SNRNP200: variants seen among roughly 807,000 people sequenced by gnomAD.
SNRNP200 encodes U5 small nuclear ribonucleoprotein 200 kDa helicase.
A neutral mutation model predicts 255.2 loss-of-function variants in SNRNP200; 66 were observed. The observed-to-expected ratio is 0.26, with a 90% confidence interval of 0.21 to 0.32. The LOEUF is 0.32. Among genes scored for constraint, SNRNP200 ranks in the 10% least tolerant of loss-of-function variants. The probability of loss-of-function intolerance (pLI) is 1.00; values close to 1 mark genes in which losing one functional copy is unlikely to be tolerated. For synonymous variants in SNRNP200, 939 were observed against 1,027.8 expected (o/e 0.91, Z 1.65); for missense variants, 1,585 against 2,749.8 (o/e 0.58, Z 9.47).
At chr2:96,280,224 C>T (rs1386257596) in intron 35 of SNRNP200, among the ~76,000 whole-genome samples, 3 of 152,228 alleles carry the variant, frequency 2.0e-5, no homozygotes, top group African/African-American at 7.2e-5. Context: ...GGGCCAGGCA[C>T]TATAACTCAC....
At chr2:96,296,095 T>A (rs2063915264) in intron 13 of SNRNP200, among the ~76,000 whole-genome samples, 1 of 152,054 alleles carries the variant, frequency 6.6e-6, no homozygotes, top group Non-Finnish European at 1.5e-5. Context: ...ATTGTGCCAT[T>A]GCACTCCAGC....
rs2063823924 is a variant in SNRNP200, at chr2:96,283,728, G to T, written c.4585-15C>A. On this transcript the variant is annotated splice_polypyrimidine_tract_variant and intron_variant, in intron 32 of 44. Coordinates refer to ENST00000323853, the MANE Select transcript of SNRNP200 (RefSeq NM_014014.5). This position sits in a 1 kb window ranked among gnomAD's most constrained non-coding sequence, Gnocchi z 4.7. ...ATGTTGAAGCCCTGGCGACCGGGGA[G>T]AAGAAAAGACACCAAGGTTATCAGA... The T allele has an allele frequency of 1.1e-5, 17 of 1,613,962 alleles. No homozygotes were observed. Among genetic ancestry groups the T allele is most frequent in the Admixed American group, 1.7e-5 (1 of 60,008 alleles).
intron 35 of SNRNP200, chr2:96,281,558 G>A (rs760558963): frequency 4.7e-5 from 22 of 468,614 alleles, no homozygotes; most frequent in African/African-American, 2.6e-4. Context: ...GATTAATGAC[G>A]TAACGTCAAA....
In SNRNP200 at chr2:96,298,304, C is replaced by T. The variant is rs1354769402; in HGVS notation, c.1099G>A (p.Glu367Lys). 6.2e-7 allele frequency: 1 copy of T among 1,614,214 alleles called. No individual in the cohort carries two copies. The highest frequency in any genetic ancestry group is 8.5e-7 in the Non-Finnish European group (1 of 1,180,034). Residue 367 changes from glutamate to lysine, a missense_variant, in exon 9 of 45, where the codon GAG becomes AAG. Glu to Lys is a moderately conservative substitution (Grantham distance 56). This residue lies in a region of SNRNP200 where 383 missense variants were observed against 645.3 expected (regional missense o/e 0.59). Coordinates refer to ENST00000323853, the MANE Select transcript of SNRNP200 (RefSeq NM_014014.5). ...SKFLYQLHET[E>K]KEDLIREERS... ...CTTACTCGGATCAGATCCTCCTTCTCGGTTTCATGAAGCTGGTAGAGGAAC... is the reference window on the plus strand; with the variant it reads ...CTTACTCGGATCAGATCCTCCTTCTTGGTTTCATGAAGCTGGTAGAGGAAC...
In SNRNP200 at chr2:96,290,798, T is replaced by C; in HGVS notation, c.2439A>G (p.Ala813=). Residue 813 remains alanine, a synonymous_variant, in exon 19 of 45, where the codon GCA becomes GCG. Coordinates refer to ENST00000323853, the MANE Select transcript of SNRNP200 (RefSeq NM_014014.5). The surrounding 1 kb of genome is among the most constrained non-coding windows in gnomAD (Gnocchi z 4.5). The part of the protein sequence containing the change: ...DKHIQVLVST[A]TLAWGVNLPA... ...GGAGATTCACACCCCAAGCTAGAGTTGCTGTGGAAACTAAAACCTACAGAG... is the reference window on the plus strand; with the variant it reads ...GGAGATTCACACCCCAAGCTAGAGTCGCTGTGGAAACTAAAACCTACAGAG... 1 of 1,614,122 alleles carries C rather than the reference T, an allele frequency of 6.2e-7. No homozygotes were observed. Among genetic ancestry groups the C allele is most frequent in the Non-Finnish European group, 8.5e-7 (1 of 1,180,018 alleles).
chr2:96,283,754 C>A lies in SNRNP200; in HGVS notation c.4585-41G>T, dbSNP rs1558765227. 1 of 1,614,032 alleles carries A rather than the reference C, an allele frequency of 6.2e-7. No homozygotes were observed. Among genetic ancestry groups the A allele is most frequent in the Middle Eastern group, 1.6e-4 (1 of 6,062 alleles). On this transcript the variant is annotated intron_variant, in intron 32 of 44. Coordinates refer to ENST00000323853, the MANE Select transcript of SNRNP200 (RefSeq NM_014014.5). The surrounding 1 kb of genome is among the most constrained non-coding windows in gnomAD (Gnocchi z 4.7). ...AAGAAAAGACACCAAGGTTATCAGACCTGGGTCACTCAGGATCTATGTGAC... is the reference window on the plus strand; with the variant it reads ...AAGAAAAGACACCAAGGTTATCAGAACTGGGTCACTCAGGATCTATGTGAC...
Position 96,287,297 on chromosome 2 carries a change from C to A in SNRNP200, c.3485-137G>T, listed in dbSNP as rs2063850010. On this transcript the variant is annotated intron_variant, in intron 26 of 44. Coordinates refer to ENST00000323853, the MANE Select transcript of SNRNP200 (RefSeq NM_014014.5). The surrounding 1 kb of genome is among the most constrained non-coding windows in gnomAD (Gnocchi z 5.7). ...GAGCCCAGGATTCCAAGTCCCCAGA[C>A]CAAGGGCCAGCCTGTACTTCAGTGG... 11 of 1,262,088 alleles carry A rather than the reference C, an allele frequency of 8.7e-6. No individual in the cohort carries two copies. The South Asian group carries it at 1.3e-4, about 15-fold the overall frequency. 78.2% of individuals were successfully genotyped at this position (1,262,088 alleles called of 1,614,324 possible).
At chr2:96,275,587 C>T (rs1410534600) in intron 43 of SNRNP200, among the ~76,000 whole-genome samples, 1 of 152,150 alleles carries the variant, frequency 6.6e-6, no homozygotes, top group East Asian at 1.9e-4. Context: ...GCCAAGGTAC[C>T]TTCTCCCACT....
At chr2:96,301,476 G>A (rs1324031118) in intron 4 of SNRNP200, 48 bp downstream of exon 4, 1 of 1,581,236 alleles carries the variant, frequency 6.3e-7, no homozygotes. Context: ...ATGTTTAGGG[G>A]TCAACAACAA....
At position 96,284,342 on chromosome 2, in the gene SNRNP200, C is replaced by A. The variant is rs756730183; in HGVS notation, c.4392+16G>T. The A allele has an allele frequency of 4.4e-6, 7 of 1,607,006 alleles. No individual in the cohort carries two copies. The highest frequency in any genetic ancestry group is 5.1e-6 in the Non-Finnish European group (6 of 1,173,856). On this transcript the variant is annotated intron_variant, in intron 31 of 44. Transcript: ENST00000323853. ...CAGTCCCAGTCCCTCATCTGTGCTG[C>A]AAGGTCACGCCATACCCCATTCTCG...
intron 5 of SNRNP200, among the ~76,000 whole-genome samples, chr2:96,300,663 T>G (rs1468966825): frequency 6.6e-6 from 1 of 151,702 alleles, no homozygotes; most frequent in African/African-American, 2.4e-5. Flanking sequence ...CTCGGGAGGC[T>G]GAGGCAGGAG....
At chr2:96,304,164 G>C (rs963739582) in intron 2 of SNRNP200, among the ~76,000 whole-genome samples, 3 of 151,678 alleles carry the variant, frequency 2.0e-5, no homozygotes, top group Admixed American at 1.3e-4. Context: ...TCATAGGAAA[G>C]GGAGCAAGAC....
intron 2 of SNRNP200, among the ~76,000 whole-genome samples, chr2:96,304,307 T>C (rs1224179467): frequency 5.3e-5 from 8 of 151,586 alleles, no homozygotes; most frequent in South Asian, 2.1e-4. Context: ...TTTCATACTA[T>C]GGATGCTTAA....
chr2:96,301,575 G>C lies in SNRNP200; in HGVS notation c.523C>G (p.Leu175Val), dbSNP rs750891688. ...CCATAGTCTGTGATCTTTTTGCCCA[G>C]GTTCACTAGCACATGGTATCTGGTA... ...DDTRYHVLVN[L>V]GKKITDYGGD... The change falls in exon 4 of 45, where the codon CTG becomes GTG. Residue 175 changes from leucine to valine, a missense_variant. Coordinates refer to ENST00000323853, the MANE Select transcript of SNRNP200 (RefSeq NM_014014.5). 6.2e-7 allele frequency: 1 copy of C among 1,614,156 alleles called. No individual in the cohort carries two copies. Among genetic ancestry groups the C allele is most frequent in the Non-Finnish European group, 8.5e-7 (1 of 1,180,036 alleles).
chr2:96,287,853 G>C lies in SNRNP200; in HGVS notation c.3365+10C>G, dbSNP rs373797897. On this transcript the variant is annotated intron_variant, in intron 25 of 44. Transcript: ENST00000323853. The surrounding 1 kb of genome is among the most constrained non-coding windows in gnomAD (Gnocchi z 5.7). Reference sequence around the variant, plus strand: ...CATGGTGACCAGCATCCAGCTCACTGGGTCCTTACATGCGTTTGTCGATCA... The same window carrying C: ...CATGGTGACCAGCATCCAGCTCACTCGGTCCTTACATGCGTTTGTCGATCA... 6.2e-7 allele frequency: 1 copy of C among 1,612,090 alleles called. No individual in the cohort carries two copies. Among genetic ancestry groups the C allele is most frequent in the African/African-American group, 1.3e-5 (1 of 74,906 alleles).
chr2:96,299,015 G>T (rs375684008), intron 6 of SNRNP200, 48 bp from the exon 7 acceptor site: 6 of 1,609,720 alleles, frequency 3.7e-6, no homozygotes, highest in South Asian at 1.1e-5. Flanking sequence ...TGCCAGCCTC[G>T]ATCACTTTGC....
intron 11 of SNRNP200, 131 bp from the exon 12 acceptor site, chr2:96,297,201 T>C: frequency 6.7e-7 from 1 of 1,494,822 alleles, no homozygotes. Context: ...AGTCCAGAGA[T>C]CAATATTGTC....
Position 96,289,831 on chromosome 2 carries a change from C to G in SNRNP200, c.2908G>C (p.Val970Leu). 1 of 1,614,164 alleles carries G rather than the reference C, an allele frequency of 6.2e-7. No individual in the cohort carries two copies. The highest frequency in any genetic ancestry group is 8.5e-7 in the Non-Finnish European group (1 of 1,180,034). Residue 970 changes from valine (V) to leucine (L), a missense_variant, in exon 21 of 45, where the codon GTC (valine) becomes CTC (leucine). Coordinates refer to ENST00000323853, the MANE Select transcript of SNRNP200 (RefSeq NM_014014.5). The part of the protein sequence containing the change: ...AALMLDKNNL[V>L]KYDKKTGNFQ... ...TTGCCCGTCTTCTTGTCGTACTTGACCAGATTGTTCTTGTCCAGCATCAGG... is the reference window on the plus strand; with the variant it reads ...TTGCCCGTCTTCTTGTCGTACTTGAGCAGATTGTTCTTGTCCAGCATCAGG...
In SNRNP200 at chr2:96,278,087, T is replaced by C; in HGVS notation, c.5611-137A>G. On this transcript the variant is annotated intron_variant, in intron 39 of 44. Coordinates refer to ENST00000323853, the MANE Select transcript of SNRNP200 (RefSeq NM_014014.5). This position sits in a 1 kb window ranked among gnomAD's most constrained non-coding sequence, Gnocchi z 6.9. ...CATGTGGGTGGTAATGGGATGGAGA[T>C]GGGTTTGAGGGAGGTATGGAGCGGG... 1 of 1,522,086 alleles carries C rather than the reference T, an allele frequency of 6.6e-7. No individual in the cohort carries two copies. The allele number at this position is 1,522,086 out of a possible 1,614,324, so 94.3% of individuals were successfully genotyped here.
Sources: allele counts gnomAD v4.1 joint callset (sites outside exome capture counted in the v4.1 genomes callset), GRCh38; gene constraint gnomAD v4.1.1; regional missense constraint gnomAD v4.1.1; non-coding constraint Gnocchi (gnomAD v3.1); transcripts MANE v1.5; gene names NCBI Gene and HGNC (gene_info 2026-07-23, HGNC 2026-07-21).